Variants in ARFIP1 observed in about 807,000 individuals in gnomAD.
ARFIP1 encodes the protein arfaptin-1.
ARFIP1 carries 24 observed loss-of-function variants against 42.5 expected under a neutral mutation model. The observed-to-expected ratio is 0.57, with a 90% CI of 0.41 to 0.80. The LOEUF is 0.80. Among genes scored for constraint, ARFIP1 ranks in the 30% least tolerant of loss-of-function variants. ARFIP1 has a pLI of 0.00. For missense variants in ARFIP1, 354 were observed against 434.0 expected, an observed-to-expected ratio of 0.82 and a Z score of 1.64; for synonymous variants, 141 against 153.7, an observed-to-expected ratio of 0.92 and a Z score of 0.61.
Position 152,804,268 on chromosome 4 carries a change from T to A in ARFIP1, c.-10+24042T>A, listed in dbSNP as rs1728753493. On this transcript the variant is annotated intron_variant, in intron 1 of 8. Transcript: ENST00000353617. ...TATATAATATAACATGTATTATATA[T>A]TATATATATAACATAACATGTATTA... 5.1e-5 allele frequency among the ~76,000 whole-genome samples: 3 copies of A among 58,516 alleles called. 1 individual carries two copies. The highest frequency in any genetic ancestry group is 2.7e-4 in the African/African-American group (3 of 11,070). 38.4% of individuals were successfully genotyped at this position (58,516 alleles called of 152,430 possible).
intron 1 of ARFIP1, among the ~76,000 whole-genome samples, chr4:152,802,405 AG>A (rs1728498224): frequency 6.6e-6 from 1 of 152,210 alleles, no homozygotes; most frequent in Non-Finnish European, 1.5e-5. Context: ...TCCTTTAAAT[AG>A]GAAGAAAATA....
chr4:152,875,255 A>G (rs1270831243), intron 5 of ARFIP1, among the ~76,000 whole-genome samples: 2 of 151,340 alleles, frequency 1.3e-5, no homozygotes, highest in African/African-American at 4.9e-5. Context: ...TCCAAAATCT[A>G]TTTTCTTATT....
intron 8 of ARFIP1, among the ~76,000 whole-genome samples, chr4:152,902,657 C>T (rs922618970): frequency 6.6e-6 from 1 of 152,210 alleles, no homozygotes; most frequent in Non-Finnish European, 1.5e-5. Flanking sequence ...TTCTTTCATT[C>T]TGTGCTCCTC....
At chr4:152,876,407 T>C (rs1030324509) in intron 5 of ARFIP1, among the ~76,000 whole-genome samples, 5 of 152,168 alleles carry the variant, frequency 3.3e-5, no homozygotes, top group African/African-American at 2.4e-5. Flanking sequence ...CCCTAGAGAT[T>C]TGTGGAACTT....
chr4:152,781,323 C>T (rs559697561), intron 1 of ARFIP1, among the ~76,000 whole-genome samples: 2 of 150,746 alleles, frequency 1.3e-5, no homozygotes, highest in African/African-American at 2.4e-5. Context: ...GCAACGTCCA[C>T]CTCCCAGGCT....
intron 2 of ARFIP1, among the ~76,000 whole-genome samples, chr4:152,846,559 G>A (rs1478250673): frequency 6.6e-6 from 1 of 151,854 alleles, no homozygotes; most frequent in African/African-American, 2.4e-5. Flanking sequence ...CCTCAATTTT[G>A]GCTTACTTTT....
chr4:152,908,380 C>T (rs1738545841), intron 8 of ARFIP1, among the ~76,000 whole-genome samples: 1 of 152,184 alleles, frequency 6.6e-6, no homozygotes, highest in Non-Finnish European at 1.5e-5. Flanking sequence ...AATCCCAGTA[C>T]TTTGGGAGGC....
At chr4:152,862,948 C>T (rs1025540943) in intron 2 of ARFIP1, among the ~76,000 whole-genome samples, 2 of 152,146 alleles carry the variant, frequency 1.3e-5, no homozygotes, top group Admixed American at 6.6e-5. Context: ...TTAGAATATA[C>T]TTAACTAGGA....
intron 1 of ARFIP1, among the ~76,000 whole-genome samples, chr4:152,799,964 A>G (rs574983468): frequency 8.6e-4 from 131 of 152,324 alleles, no homozygotes; most frequent in African/African-American, 3.1e-3. Flanking sequence ...CTGCCAAGCA[A>G]TTGATTGTTC....
chr4:152,821,881 T>G (rs552756285), intron 1 of ARFIP1, among the ~76,000 whole-genome samples: 1 of 152,222 alleles, frequency 6.6e-6, no homozygotes, highest in African/African-American at 2.4e-5. Context: ...GTTGTATAAA[T>G]GAAGGAGAAA....
chr4:152,795,777 A>C (rs957101265), intron 1 of ARFIP1, among the ~76,000 whole-genome samples: 3 of 130,508 alleles, frequency 2.3e-5, no homozygotes, highest in Non-Finnish European at 3.2e-5. Flanking sequence ...CATTTCTCTA[A>C]TTTTGAGTGA....
At chr4:152,827,185 T>A (rs544685197) in intron 1 of ARFIP1, among the ~76,000 whole-genome samples, 2 of 152,366 alleles carry the variant, frequency 1.3e-5, no homozygotes, top group South Asian at 2.1e-4. Flanking sequence ...CAATAATTTT[T>A]AAAAATAATC....
intron 2 of ARFIP1, 90 bp downstream of exon 2, chr4:152,829,816 A>G (rs1448402915): frequency 1.9e-5 from 20 of 1,060,976 alleles, no homozygotes; most frequent in Non-Finnish European, 2.5e-5. Context: ...TTAATATAGG[A>G]TTGTTTTCTT....
intron 1 of ARFIP1, among the ~76,000 whole-genome samples, chr4:152,786,064 A>G (rs1730786523): frequency 6.6e-6 from 1 of 152,226 alleles, no homozygotes; most frequent in African/African-American, 2.4e-5. Context: ...GTTTTAGCTG[A>G]TGAAATGTTA....
At position 152,800,713 on chromosome 4, in the gene ARFIP1, CT is replaced by C. The variant is rs573309628; in HGVS notation, c.-10+20488del. Among the ~76,000 whole-genome samples, 193 of 152,204 alleles carry C rather than the reference CT, an allele frequency of 1.3e-3. 1 individual carries two copies. Among genetic ancestry groups the C allele is most frequent in the African/African-American group, 4.4e-3 (181 of 41,544 alleles). On this transcript the variant is annotated intron_variant, in intron 1 of 8. Transcript: ENST00000353617. ...TAAGGAAAATATACAGATATTTGCA[CT>C]CTTCTTTTGTGTAACTCAGACATCT... is the stretch of plus-strand genomic sequence containing the variant.
At chr4:152,846,226 C>T (rs2149860841) in intron 2 of ARFIP1, among the ~76,000 whole-genome samples, 2 of 152,172 alleles carry the variant, frequency 1.3e-5, no homozygotes, top group South Asian at 4.1e-4. Context: ...GAGAAGGGGG[C>T]AAAGGGTGAA....
chr4:152,873,314 T>G (rs1206948690), intron 5 of ARFIP1, among the ~76,000 whole-genome samples: 1 of 152,212 alleles, frequency 6.6e-6, no homozygotes, highest in Non-Finnish European at 1.5e-5. Context: ...ATTGTCTGTA[T>G]TTTTATACAG....
rs181690101 is a variant in ARFIP1, at chr4:152,810,023, T to C, written c.-9-19602T>C. 3.3e-5 allele frequency: 5 copies of C among 152,338 alleles called. No homozygotes were observed. The East Asian group carries it at 9.6e-4, about 29-fold the overall frequency. The allele number at this position is 152,338 out of a possible 1,614,324, so 9.4% of individuals were successfully genotyped here. ...TTGTAAAATAAAAAAATGAATAAAATGTTCAGTTTTTTGTTTATGAATATA... is the reference window on the plus strand; with the variant it reads ...TTGTAAAATAAAAAAATGAATAAAACGTTCAGTTTTTTGTTTATGAATATA... On this transcript the variant is annotated intron_variant, in intron 1 of 8. Transcript: ENST00000353617.
chr4:152,896,536 G>T (rs1737343755), intron 8 of ARFIP1, among the ~76,000 whole-genome samples: 1 of 152,016 alleles, frequency 6.6e-6, no homozygotes, highest in Admixed American at 6.6e-5. Context: ...AAAGAAGGAA[G>T]AATGTATAAT....
Sources: gnomAD v4.1 joint callset for allele counts (sites outside exome capture counted in the v4.1 genomes callset) on GRCh38, gnomAD v4.1.1 for gene constraint, MANE v1.5 for transcripts, NCBI Gene and HGNC (gene_info 2026-07-23, HGNC 2026-07-21) for gene names.